CDH4: variants seen among roughly 807,000 people sequenced by gnomAD.
CDH4 encodes cadherin-4.
Under a neutral mutation model 86.0 loss-of-function variants are expected in CDH4, and 33 were observed. The ratio of observed to expected loss-of-function variants is 0.38; its 90% CI spans 0.29 to 0.51. CDH4 has a LOEUF of 0.51. CDH4 is among the 20% of genes least tolerant of loss of function. The pLI, the probability that CDH4 is intolerant of heterozygous loss-of-function variation, is 0.86. For synonymous variants in CDH4, 555 were observed against 549.4 expected (o/e 1.01, Z -0.14); for missense variants, 1,114 against 1,307.4 (o/e 0.85, Z 2.28).
intron 2 of CDH4, among the ~76,000 whole-genome samples, chr20:61,299,968 G>A (rs73319111): frequency 5.9e-5 from 9 of 152,300 alleles, no homozygotes; most frequent in African/African-American, 2.2e-4. Context: ...GTAGAGGGGG[G>A]ACCAGGTTTG....
rs552039501 is a variant in CDH4, at chr20:61,359,298, C to A, written c.169+104361C>A. On this transcript the variant is annotated intron_variant, in intron 2 of 15. Transcript: ENST00000614565. ...GTGGGGGGTGGACTACGAGGTCACT[C>A]ATTTGTCAGCTACGCCGACCCCGAA... Among the ~76,000 whole-genome samples, 32 of 152,296 alleles carry A rather than the reference C, an allele frequency of 2.1e-4. No individual in the cohort carries two copies. The South Asian group carries it at 4.1e-3, about 20-fold the overall frequency.
At chr20:61,844,617 G>C in intron 4 of CDH4, 51 bp from the exon 5 acceptor site, 2 of 1,557,330 alleles carry the variant, frequency 1.3e-6, no homozygotes, top group Non-Finnish European at 1.8e-6. Context: ...TCGGCCCCGG[G>C]CCTCTCCTCA....
chr20:61,858,075 C>G (rs1983118349), intron 6 of CDH4, among the ~76,000 whole-genome samples: 1 of 135,634 alleles, frequency 7.4e-6, no homozygotes, highest in Non-Finnish European at 1.6e-5. Context: ...CTGTATATGT[C>G]TCTGTGTGTG....
intron 4 of CDH4, among the ~76,000 whole-genome samples, chr20:61,841,706 A>G (rs1600703427): frequency 6.8e-6 from 1 of 146,448 alleles, no homozygotes; most frequent in Admixed American, 6.8e-5. Context: ...TGCGGGGGGG[A>G]ACAAAGACGC....
intron 11 of CDH4, among the ~76,000 whole-genome samples, chr20:61,924,810 C>T (rs2122978573): frequency 6.6e-6 from 1 of 152,356 alleles, no homozygotes; most frequent in Admixed American, 6.5e-5. Context: ...CACTGGTCAT[C>T]CCAGGCTTGG....
intron 2 of CDH4, among the ~76,000 whole-genome samples, chr20:61,399,962 G>A (rs2085040772): frequency 6.6e-6 from 1 of 152,214 alleles, no homozygotes; most frequent in African/African-American, 2.4e-5. Flanking sequence ...GTGACCAGTG[G>A]TAGGGGGAAT....
At chr20:61,419,533 G>A (rs920145339) in intron 2 of CDH4, among the ~76,000 whole-genome samples, 1 of 152,172 alleles carries the variant, frequency 6.6e-6, no homozygotes, top group African/African-American at 2.4e-5. Flanking sequence ...ACAGAGCTAG[G>A]AGAGGGGATC....
chr20:61,897,974 A>G (rs908339951), intron 8 of CDH4, among the ~76,000 whole-genome samples: 1 of 152,208 alleles, frequency 6.6e-6, no homozygotes, highest in African/African-American at 2.4e-5. Flanking sequence ...TGGGTGGACA[A>G]TGGACGGATG....
chr20:61,568,936 G>A (rs1486802147), intron 2 of CDH4, among the ~76,000 whole-genome samples: 1 of 151,610 alleles, frequency 6.6e-6, no homozygotes, highest in African/African-American at 2.4e-5. Flanking sequence ...TGCATCTTCA[G>A]TGCCTGGCAC....
At chr20:61,744,435 GGAGAGGAAGAGAGGGA>G (rs1385371360) in intron 3 of CDH4, among the ~76,000 whole-genome samples, 1 of 83,156 alleles carries the variant, frequency 1.2e-5, no homozygotes, top group Non-Finnish European at 2.4e-5. Flanking sequence ...GGAAAGGGAG[GGAGAGGAAGAGAGGGA>G]GAGAGAGAAG....
chr20:61,573,750 G>A (rs1249789854), intron 2 of CDH4, among the ~76,000 whole-genome samples: 18 of 152,204 alleles, frequency 1.2e-4, no homozygotes, highest in African/African-American at 4.3e-4. Flanking sequence ...TGTGCTCTGG[G>A]CCCTCCCATG....
intron 2 of CDH4, among the ~76,000 whole-genome samples, chr20:61,698,081 G>A (rs554572141): frequency 5.9e-5 from 9 of 152,340 alleles, no homozygotes; most frequent in African/African-American, 1.7e-4. Flanking sequence ...CACACTGCCC[G>A]AGACAGCAGC....
chr20:61,278,069 G>A lies in CDH4; in HGVS notation c.169+23132G>A, dbSNP rs1054818080. Among the ~76,000 whole-genome samples the A allele has an allele frequency of 6.6e-5, 10 of 152,188 alleles. No homozygotes were observed. In the East Asian group the frequency reaches 9.6e-4, roughly 15 times the overall value. Reference sequence around the variant, plus strand: ...CACTCAGTGGCAGTTTGCCTGCTCCGGGCATCTGTGAGCCAGGCAATTGTC... The same window carrying A: ...CACTCAGTGGCAGTTTGCCTGCTCCAGGCATCTGTGAGCCAGGCAATTGTC... On this transcript the variant is annotated intron_variant, in intron 2 of 15. Coordinates refer to ENST00000614565, the MANE Select transcript of CDH4 (RefSeq NM_001794.5).
chr20:61,552,915 A>T (rs2086145060), intron 2 of CDH4, among the ~76,000 whole-genome samples: 1 of 152,190 alleles, frequency 6.6e-6, no homozygotes, highest in Non-Finnish European at 1.5e-5. Context: ...TAGAGTTAGC[A>T]TTAGCATATG....
At chr20:61,927,444 A>G (rs757367293) in intron 11 of CDH4, among the ~76,000 whole-genome samples, 13 of 152,190 alleles carry the variant, frequency 8.5e-5, no homozygotes, top group African/African-American at 1.2e-4. Context: ...TCCTCCAAGG[A>G]GACCTCCTGC....
intron 3 of CDH4, among the ~76,000 whole-genome samples, chr20:61,762,687 T>C (rs1030639901): frequency 3.9e-5 from 6 of 152,212 alleles, no homozygotes; most frequent in African/African-American, 1.4e-4. Context: ...GTCTAGTTTA[T>C]CTGCTTATAC....
chr20:61,580,130 A>G (rs865813026), intron 2 of CDH4, among the ~76,000 whole-genome samples: 12 of 152,124 alleles, frequency 7.9e-5, no homozygotes, highest in Middle Eastern at 6.8e-3. Flanking sequence ...TACAAAAAAA[A>G]AAAAGGAATC....
chr20:61,813,644 T>C (rs1355306011), intron 4 of CDH4, among the ~76,000 whole-genome samples: 2 of 152,160 alleles, frequency 1.3e-5, no homozygotes, highest in Admixed American at 1.3e-4. Context: ...TAATGGGGGC[T>C]CAGACTCTGG....
intron 2 of CDH4, among the ~76,000 whole-genome samples, chr20:61,700,747 G>A (rs1357860423): frequency 2.0e-5 from 3 of 152,176 alleles, no homozygotes; most frequent in African/African-American, 7.2e-5. Context: ...CTTCATGGGT[G>A]TCTTCTTCAT....
Sources: gnomAD v4.1 joint callset for allele counts (sites outside exome capture counted in the v4.1 genomes callset) on GRCh38, gnomAD v4.1.1 for gene constraint, MANE v1.5 for transcripts, NCBI Gene and HGNC (gene_info 2026-07-23, HGNC 2026-07-21) for gene names.